The following CNTN5 variants were observed in gnomAD, a reference collection of about 807,000 sequenced individuals.
The protein encoded by CNTN5 is contactin-5.
In CNTN5, 77 loss-of-function variants were observed where a neutral mutation model predicts 129.1. The observed-to-expected ratio is 0.60, with a 90% confidence interval of 0.50 to 0.72. The LOEUF (loss-of-function observed/expected upper bound fraction) is 0.72, where lower values mean the gene tolerates loss of function less well. CNTN5 is among the 30% of genes least tolerant of loss of function. CNTN5 has a pLI of 0.00. For missense variants in CNTN5, 1,478 were observed against 1,328.8 expected (o/e 1.11, Z -1.75); for synonymous variants, 509 against 465.6 (o/e 1.09, Z -1.20).
intron 9 of CNTN5, among the ~76,000 whole-genome samples, chr11:100,054,821 T>C (rs1254873985): frequency 3.3e-5 from 5 of 151,690 alleles, no homozygotes; most frequent in Non-Finnish European, 7.4e-5. Flanking sequence ...TCTGACAGAA[T>C]GTTATTAGTT....
At chr11:100,002,392 C>T (rs1939931261) in intron 9 of CNTN5, among the ~76,000 whole-genome samples, 1 of 152,048 alleles carries the variant, frequency 6.6e-6, no homozygotes, top group African/African-American at 2.4e-5. Context: ...AAAAGCTTTA[C>T]ATCTTTACCT....
chr11:99,030,298 T>A (rs1489356490), intron 1 of CNTN5, among the ~76,000 whole-genome samples: 1 of 152,178 alleles, frequency 6.6e-6, no homozygotes, highest in Non-Finnish European at 1.5e-5. Context: ...ATCCTTAGAC[T>A]TTTTAAGGTA....
chr11:99,524,824 G>A (rs1947425579), intron 2 of CNTN5, among the ~76,000 whole-genome samples: 1 of 151,648 alleles, frequency 6.6e-6, no homozygotes. Flanking sequence ...AAAAAAAAGT[G>A]TATTTATATG....
At chr11:99,397,886 A>C (rs1504721) in intron 2 of CNTN5, among the ~76,000 whole-genome samples, 52,914 of 151,600 alleles carry the variant, frequency 0.35, 9,789 homozygotes, top group South Asian at 0.46. Flanking sequence ...TGTTGCTTTT[A>C]TGGTCTCTTA....
At chr11:100,149,559 A>C (rs1269993007) in intron 13 of CNTN5, among the ~76,000 whole-genome samples, 1 of 152,188 alleles carries the variant, frequency 6.6e-6, no homozygotes, top group Admixed American at 6.5e-5. Flanking sequence ...TAAAATATAC[A>C]TTTGGGTGTA....
intron 1 of CNTN5, among the ~76,000 whole-genome samples, chr11:99,149,085 G>A (rs1018480516): frequency 1.3e-5 from 2 of 152,126 alleles, no homozygotes; most frequent in Non-Finnish European, 2.9e-5. Context: ...TAGAGGTATT[G>A]TCAGGATTTT....
At chr11:99,092,725 A>T (rs1382073208) in intron 1 of CNTN5, among the ~76,000 whole-genome samples, 2 of 152,092 alleles carry the variant, frequency 1.3e-5, no homozygotes, top group African/African-American at 4.8e-5. Context: ...TTACTGAATA[A>T]AGTAAGCATA....
chr11:99,768,578 C>A (rs1336258098), intron 3 of CNTN5, among the ~76,000 whole-genome samples: 2 of 152,116 alleles, frequency 1.3e-5, no homozygotes, highest in Non-Finnish European at 2.9e-5. Context: ...TCCATTTTCA[C>A]AAAATCCAAG....
intron 13 of CNTN5, among the ~76,000 whole-genome samples, chr11:100,177,582 T>C (rs1948006720): frequency 6.6e-6 from 1 of 152,142 alleles, no homozygotes; most frequent in Non-Finnish European, 1.5e-5. Context: ...TTCCCATTAG[T>C]TCCCATTTTC....
intron 18 of CNTN5, among the ~76,000 whole-genome samples, chr11:100,280,384 A>C (rs928762721): frequency 2.0e-5 from 3 of 151,478 alleles, no homozygotes; most frequent in Admixed American, 1.3e-4. Flanking sequence ...CATGTATTTC[A>C]AATTGTTATA....
intron 1 of CNTN5, among the ~76,000 whole-genome samples, chr11:99,034,797 C>T (rs1035078371): frequency 2.0e-5 from 3 of 151,518 alleles, no homozygotes; most frequent in Admixed American, 6.6e-5. Flanking sequence ...TTAGTTATTT[C>T]TTGCCTTCTG....
intron 3 of CNTN5, among the ~76,000 whole-genome samples, chr11:99,747,299 T>C (rs1460790237): frequency 2.6e-5 from 4 of 152,294 alleles, no homozygotes; most frequent in African/African-American, 7.2e-5. Flanking sequence ...TAATCAGTTA[T>C]AACAGTTTTT....
At chr11:99,946,362 A>G (rs183367075) in intron 7 of CNTN5, among the ~76,000 whole-genome samples, 304 of 152,256 alleles carry the variant, frequency 2.0e-3, no homozygotes, top group South Asian at 0.011. Context: ...CTAGGAACAG[A>G]GGCTTAGTGG....
chr11:100,146,824 A>G lies in CNTN5; in HGVS notation c.1581-44302A>G, dbSNP rs546129440. On this transcript the variant is annotated intron_variant, in intron 13 of 24. Transcript: ENST00000524871. ...TTTTAAATGTTGTGAACAATGCATG[A>G]ACATCTTTAAGTATACATATTAGTA... 1.0e-3 allele frequency among the ~76,000 whole-genome samples: 159 copies of G among 152,296 alleles called. 3 individuals are homozygous for G. The highest frequency in any genetic ancestry group is 7.3e-5 in the Non-Finnish European group (5 of 68,028).
At chr11:100,001,783 T>G (rs1215692533) in intron 8 of CNTN5, among the ~76,000 whole-genome samples, 1 of 152,230 alleles carries the variant, frequency 6.6e-6, no homozygotes, top group Non-Finnish European at 1.5e-5. Context: ...TAATGTTGAT[T>G]AACAATTTCA....
At chr11:100,001,355 A>T (rs930839681) in intron 8 of CNTN5, among the ~76,000 whole-genome samples, 1 of 152,182 alleles carries the variant, frequency 6.6e-6, no homozygotes, top group Admixed American at 6.5e-5. Context: ...TCCATGATCC[A>T]GTCACCTCCT....
intron 13 of CNTN5, among the ~76,000 whole-genome samples, chr11:100,187,772 A>T (rs998524937): frequency 2.6e-5 from 4 of 152,158 alleles, no homozygotes; most frequent in African/African-American, 9.7e-5. Context: ...ACCTCTCACC[A>T]TATACAATAA....
At chr11:99,051,780 A>G (rs1864436818) in intron 1 of CNTN5, among the ~76,000 whole-genome samples, 1 of 151,882 alleles carries the variant, frequency 6.6e-6, no homozygotes, top group Admixed American at 6.6e-5. Flanking sequence ...ACTAAGAAGT[A>G]GTCTCTTTTT....
intron 2 of CNTN5, among the ~76,000 whole-genome samples, 165 bp downstream of exon 2, chr11:99,325,649 C>T (rs1157069341): frequency 3.9e-5 from 6 of 152,108 alleles, no homozygotes; most frequent in African/African-American, 1.4e-4. Flanking sequence ...GAATTGAAAA[C>T]ACCTTGATTG....
Sources: allele counts gnomAD v4.1 joint callset (sites outside exome capture counted in the v4.1 genomes callset), GRCh38; gene constraint gnomAD v4.1.1; transcripts MANE v1.5; gene names NCBI Gene and HGNC (gene_info 2026-07-23, HGNC 2026-07-21).